The following SLC24A3 variants were observed in gnomAD, a reference collection of about 807,000 sequenced individuals.
The protein encoded by SLC24A3 is sodium/potassium/calcium exchanger 3.
In SLC24A3, 28 loss-of-function variants were observed where a neutral mutation model predicts 75.8. The observed-to-expected ratio is 0.37, with a 90% CI of 0.27 to 0.51. SLC24A3 has a LOEUF of 0.51. SLC24A3 is among the 20% of genes least tolerant of loss of function. The pLI, the probability that SLC24A3 is intolerant of heterozygous loss-of-function variation, is 0.94. For synonymous variants in SLC24A3, 372 were observed against 334.1 expected, an observed-to-expected ratio of 1.11 and a Z score of -1.24; for missense variants, 663 against 847.8, an observed-to-expected ratio of 0.78 and a Z score of 2.71.
chr20:19,570,621 G>T (rs1475020025), intron 3 of SLC24A3, among the ~76,000 whole-genome samples: 3 of 152,136 alleles, frequency 2.0e-5, no homozygotes, highest in Admixed American at 6.5e-5. Context: ...TTAATACATT[G>T]GATAGAAGGT....
chr20:19,430,696 G>A (rs1987086141), intron 2 of SLC24A3, among the ~76,000 whole-genome samples: 1 of 152,006 alleles, frequency 6.6e-6, no homozygotes, highest in Admixed American at 6.6e-5. Context: ...TTGTATATGT[G>A]CACACTCAGT....
chr20:19,580,404 T>C (rs771631548), intron 4 of SLC24A3, among the ~76,000 whole-genome samples: 1 of 152,140 alleles, frequency 6.6e-6, no homozygotes, highest in African/African-American at 2.4e-5. Context: ...TTTCTGTTAC[T>C]TCCTCCACCT....
At chr20:19,312,981 A>C (rs1984494549) in intron 2 of SLC24A3, among the ~76,000 whole-genome samples, 1 of 151,618 alleles carries the variant, frequency 6.6e-6, no homozygotes, top group Non-Finnish European at 1.5e-5. Flanking sequence ...GATGAGGGAA[A>C]ACAGAAATGT....
At chr20:19,311,298 C>T (rs1026777492) in intron 2 of SLC24A3, among the ~76,000 whole-genome samples, 7 of 152,202 alleles carry the variant, frequency 4.6e-5, no homozygotes, top group Middle Eastern at 3.4e-3. Flanking sequence ...GCAGGGCCCG[C>T]GGATGGGTTC....
chr20:19,471,276 G>A (rs891863323), intron 2 of SLC24A3, among the ~76,000 whole-genome samples: 5 of 152,122 alleles, frequency 3.3e-5, no homozygotes, highest in Non-Finnish European at 7.4e-5. Context: ...CCCAGTCTTC[G>A]CTCTAAACTG....
chr20:19,627,254 G>A (rs1274576243), intron 6 of SLC24A3, among the ~76,000 whole-genome samples: 1 of 152,142 alleles, frequency 6.6e-6, no homozygotes, highest in African/African-American at 2.4e-5. Context: ...TGGTACAACC[G>A]CACATAAGCC....
intron 2 of SLC24A3, among the ~76,000 whole-genome samples, chr20:19,324,107 G>C (rs896316660): frequency 1.3e-5 from 2 of 152,188 alleles, no homozygotes; most frequent in African/African-American, 4.8e-5. Context: ...TTGCTGCCAT[G>C]ATGTGGCCTA....
At chr20:19,337,753 G>A (rs941274821) in intron 2 of SLC24A3, among the ~76,000 whole-genome samples, 2 of 152,198 alleles carry the variant, frequency 1.3e-5, no homozygotes, top group African/African-American at 2.4e-5. Context: ...CTCTGGGCCA[G>A]GATCAGCTGG....
chr20:19,513,748 A>T (rs2029930400), intron 2 of SLC24A3, among the ~76,000 whole-genome samples: 1 of 151,986 alleles, frequency 6.6e-6, no homozygotes, highest in South Asian at 2.1e-4. Flanking sequence ...GAAAAAAAAA[A>T]AAAGCCTTTT....
chr20:19,474,152 T>C (rs1987921672), intron 2 of SLC24A3, among the ~76,000 whole-genome samples: 1 of 152,164 alleles, frequency 6.6e-6, no homozygotes, highest in South Asian at 2.1e-4. Context: ...CAGGATGGAT[T>C]TGGTGTCAGC....
intron 3 of SLC24A3, among the ~76,000 whole-genome samples, chr20:19,557,266 C>T (rs1249950349): frequency 6.6e-6 from 1 of 152,160 alleles, no homozygotes; most frequent in Non-Finnish European, 1.5e-5. Context: ...AATCCTGCCC[C>T]AGCATGTCTG....
chr20:19,639,166 C>G (rs1011396561), intron 6 of SLC24A3, among the ~76,000 whole-genome samples: 2 of 152,130 alleles, frequency 1.3e-5, no homozygotes, highest in Non-Finnish European at 2.9e-5. Flanking sequence ...CTCCACCTCC[C>G]CACTAGATTA....
At chr20:19,383,315 A>C (rs1986216162) in intron 2 of SLC24A3, among the ~76,000 whole-genome samples, 1 of 152,208 alleles carries the variant, frequency 6.6e-6, no homozygotes, top group Non-Finnish European at 1.5e-5. Context: ...TTTTGAATGC[A>C]GAAGAATTGC....
intron 2 of SLC24A3, among the ~76,000 whole-genome samples, chr20:19,457,163 G>A (rs576395676): frequency 1.3e-5 from 2 of 152,284 alleles, no homozygotes; most frequent in African/African-American, 4.8e-5. Context: ...AACCCTAATG[G>A]CGTAATCCCA....
At chr20:19,395,230 G>A (rs1370868340) in intron 2 of SLC24A3, among the ~76,000 whole-genome samples, 3 of 152,140 alleles carry the variant, frequency 2.0e-5, no homozygotes, top group African/African-American at 4.8e-5. Context: ...AGAGTTTCAG[G>A]TTTGCAAGAT....
At chr20:19,334,068 A>C (rs117016104) in intron 2 of SLC24A3, among the ~76,000 whole-genome samples, 52 of 152,298 alleles carry the variant, frequency 3.4e-4, no homozygotes, top group Admixed American at 5.9e-4. Flanking sequence ...GCAAAGAGAA[A>C]TAGACAAGTG....
chr20:19,301,664 T>G (rs1984199923), intron 2 of SLC24A3, among the ~76,000 whole-genome samples: 1 of 152,292 alleles, frequency 6.6e-6, no homozygotes, highest in Non-Finnish European at 1.5e-5. Flanking sequence ...ACTTTTGAGG[T>G]CAGCTATTAA....
At chr20:19,367,374 A>G (rs564572268) in intron 2 of SLC24A3, among the ~76,000 whole-genome samples, 4 of 152,372 alleles carry the variant, frequency 2.6e-5, no homozygotes, top group Admixed American at 6.5e-5. Context: ...AGAAACAAAG[A>G]TAACCGAGGC....
chr20:19,593,960 C>T (rs1048138993), intron 6 of SLC24A3, among the ~76,000 whole-genome samples: 2 of 152,168 alleles, frequency 1.3e-5, no homozygotes, highest in Non-Finnish European at 2.9e-5. Flanking sequence ...CAACAGCTGC[C>T]GGGTGGGCCC....
Sources: allele counts gnomAD v4.1 joint callset (sites outside exome capture counted in the v4.1 genomes callset), GRCh38; gene constraint gnomAD v4.1.1; transcripts MANE v1.5; gene names NCBI Gene and HGNC (gene_info 2026-07-23, HGNC 2026-07-21).